ZFP2: variants seen among roughly 807,000 people sequenced by gnomAD.
ZFP2 encodes zinc finger protein ZFP2.
In ZFP2, 33 loss-of-function variants were observed where a neutral mutation model predicts 36.1. The observed-to-expected ratio is 0.92, with a 90% CI of 0.69 to 1.22. The LOEUF (loss-of-function observed/expected upper bound fraction) is 1.22, where lower values mean the gene tolerates loss of function less well. Ranked by LOEUF, ZFP2 falls within the 50% of genes most tolerant of loss-of-function variation. ZFP2 has a pLI of 0.00. For synonymous variants in ZFP2, 170 were observed against 178.0 expected (o/e 0.96, Z 0.36); for missense variants, 522 against 551.4 (o/e 0.95, Z 0.53).
intron 4 of ZFP2, among the ~76,000 whole-genome samples, chr5:178,919,620 A>C (rs1165331670): frequency 6.6e-6 from 1 of 152,120 alleles, no homozygotes; most frequent in Admixed American, 6.5e-5. Context: ...GTAGTGTATC[A>C]ATTTTCCCTG....
intron 4 of ZFP2, among the ~76,000 whole-genome samples, chr5:178,927,157 C>T (rs1056072936): frequency 3.3e-5 from 5 of 152,168 alleles, no homozygotes; most frequent in Admixed American, 3.3e-4. Flanking sequence ...TGAGTAGCTA[C>T]AAGGTCCTTT....
chr5:178,918,420 C>A (rs549571465), intron 4 of ZFP2, among the ~76,000 whole-genome samples: 23 of 152,264 alleles, frequency 1.5e-4, no homozygotes, highest in South Asian at 8.3e-4. Flanking sequence ...ATAAATAAAT[C>A]AACTTGCCCT....
chr5:178,930,384 T>G (rs1489880101), intron 4 of ZFP2, among the ~76,000 whole-genome samples: 1 of 128,190 alleles, frequency 7.8e-6, no homozygotes, highest in Non-Finnish European at 1.6e-5. Context: ...GCAGTGGTAC[T>G]ACCTCAGCTC....
chr5:178,916,009 T>C (rs534090016), intron 3 of ZFP2, among the ~76,000 whole-genome samples: 2 of 152,188 alleles, frequency 1.3e-5, no homozygotes, highest in Middle Eastern at 3.4e-3. Context: ...TCAATACAGA[T>C]TGGATAATTA....
intron 4 of ZFP2, 140 bp downstream of exon 4, chr5:178,916,850 C>A: frequency 1.7e-6 from 1 of 576,584 alleles, no homozygotes; most frequent in Non-Finnish European, 2.2e-6. Flanking sequence ...CTTCCCTTGC[C>A]CTGCTGTGTT....
chr5:178,897,053 T>C (rs889783577), intron 1 of ZFP2, among the ~76,000 whole-genome samples: 4 of 151,776 alleles, frequency 2.6e-5, no homozygotes, highest in Non-Finnish European at 2.9e-5. Flanking sequence ...TTTTTTTTTT[T>C]CAGTATTATA....
chr5:178,903,154 T>C (rs911104851), intron 1 of ZFP2, among the ~76,000 whole-genome samples: 7 of 152,350 alleles, frequency 4.6e-5, no homozygotes, highest in Middle Eastern at 3.4e-3. Context: ...GTTTATAACC[T>C]GTAAATGGAA....
chr5:178,912,312 T>C (rs187751270), intron 1 of ZFP2, among the ~76,000 whole-genome samples: 1 of 152,286 alleles, frequency 6.6e-6, no homozygotes, highest in Non-Finnish European at 1.5e-5. Flanking sequence ...TAGGAGGTGA[T>C]CACAACACCA....
intron 4 of ZFP2, among the ~76,000 whole-genome samples, chr5:178,924,546 A>G (rs1315549444): frequency 6.7e-6 from 1 of 148,840 alleles, no homozygotes; most frequent in African/African-American, 2.4e-5. Context: ...CAAATGAAGA[A>G]AAAAGAAAGC....
chr5:178,923,474 A>G (rs1488770467), intron 4 of ZFP2, among the ~76,000 whole-genome samples: 1 of 149,776 alleles, frequency 6.7e-6, no homozygotes, highest in Admixed American at 6.7e-5. Context: ...TGTCACTGCC[A>G]GTCTTTTTAT....
rs1758585744 is a variant in ZFP2 at position 178,922,764 on chromosome 5, G to T, written c.-78+6054G>T. 11 of 1,519,180 alleles carry T rather than the reference G, an allele frequency of 7.2e-6. 1 individual carries two copies. In the East Asian group the frequency reaches 2.3e-4, roughly 32 times the overall value. 94.1% of individuals were successfully genotyped at this position (1,519,180 alleles called of 1,614,324 possible). ...ATTTCTTTGTGCAGATTCTGTAAGG[G>T]CTGTGCAGAAATGTGTGTGGTCAAA... On this transcript the variant is annotated intron_variant, in intron 4 of 4. Coordinates refer to ENST00000361362, the MANE Select transcript of ZFP2 (RefSeq NM_030613.4).
At chr5:178,908,939 C>T (rs1222562666) in intron 1 of ZFP2, among the ~76,000 whole-genome samples, 2 of 152,124 alleles carry the variant, frequency 1.3e-5, no homozygotes, top group Non-Finnish European at 2.9e-5. Flanking sequence ...GGGTCTAAAA[C>T]CCCTCGTGGC....
intron 1 of ZFP2, among the ~76,000 whole-genome samples, chr5:178,907,045 C>T (rs1472591323): frequency 6.6e-6 from 1 of 152,032 alleles, no homozygotes; most frequent in Non-Finnish European, 1.5e-5. Flanking sequence ...CAGGTAGGAC[C>T]AGAGTCAGCT....
Position 178,909,125 on chromosome 5 carries a change from ATGG to A in ZFP2, c.-449-3458_-449-3456del, listed in dbSNP as rs1361101268. 2.9e-4 allele frequency among the ~76,000 whole-genome samples: 40 copies of A among 136,010 alleles called. No homozygotes were observed. The East Asian group carries it at 8.1e-3, about 28-fold the overall frequency. The allele number at this position is 136,010 out of a possible 152,430, so 89.2% of individuals were successfully genotyped here. A position where few individuals can be genotyped will look rare whatever the true frequency, so the allele number is the denominator to read the frequency against. On this transcript the variant is annotated intron_variant, in intron 1 of 4. Coordinates refer to ENST00000361362, the MANE Select transcript of ZFP2 (RefSeq NM_030613.4). The stretch of plus-strand genomic sequence containing the variant: ...GGGCGTAAAACCCCTCGTGGCCTGG[ATGG>A]AATCCAGGGCTCAGGGCGTAAAACC...
chr5:178,913,064 C>T lies in ZFP2; in HGVS notation c.-231C>T. ...TGCAAAAAGAACCGCCTGAGGGTGG[C>T]TTTCGAGGTAAGTGCCAGGCTGTGC... is the stretch of plus-strand genomic sequence containing the variant. On this transcript the variant is annotated 5_prime_UTR_variant, in exon 3 of 5. Coordinates refer to ENST00000361362, the MANE Select transcript of ZFP2 (RefSeq NM_030613.4). 1 of 985,848 alleles carries T rather than the reference C, an allele frequency of 1.0e-6. No individual in the cohort carries two copies. The highest frequency in any genetic ancestry group is 1.2e-6 in the Non-Finnish European group (1 of 829,932). 61.1% of individuals were successfully genotyped at this position (985,848 alleles called of 1,614,324 possible).
intron 1 of ZFP2, among the ~76,000 whole-genome samples, chr5:178,911,887 G>T (rs569448721): frequency 1.3e-5 from 2 of 152,256 alleles, no homozygotes; most frequent in South Asian, 4.2e-4. Context: ...TGTAATCCCA[G>T]CTCTTTGGGA....
intron 3 of ZFP2, among the ~76,000 whole-genome samples, chr5:178,914,868 A>C (rs773758143): frequency 6.6e-6 from 1 of 152,214 alleles, no homozygotes; most frequent in Non-Finnish European, 1.5e-5. Flanking sequence ...GGACATAGGG[A>C]ACAGCAGGTG....
chr5:178,925,126 TAC>T (rs70997651), intron 4 of ZFP2, among the ~76,000 whole-genome samples: 49,167 of 133,030 alleles, frequency 0.37, 10,631 homozygotes, highest in African/African-American at 0.41. Context: ...TATATATATA[TAC>T]ACACACACAC....
rs1211092359 is a variant in ZFP2 at position 178,924,328 on chromosome 5, G to A, written c.-77-6909G>A. 4.9e-5 allele frequency among the ~76,000 whole-genome samples: 7 copies of A among 142,210 alleles called. No homozygotes were observed. The South Asian group carries it at 1.6e-3, about 32-fold the overall frequency. The allele number at this position is 142,210 out of a possible 152,430, so 93.3% of individuals were successfully genotyped here. ...GTGGAGCTTGCAGTGAGCCGAGATC[G>A]CTCCACTGCACTCCAGCCTGCATGA... On this transcript the variant is annotated intron_variant, in intron 4 of 4. Transcript: ENST00000361362.
Sources: gnomAD v4.1 joint callset for allele counts (sites outside exome capture counted in the v4.1 genomes callset) on GRCh38, gnomAD v4.1.1 for gene constraint, MANE v1.5 for transcripts, NCBI Gene and HGNC (gene_info 2026-07-23, HGNC 2026-07-21) for gene names.